EYS: variants seen among roughly 807,000 people sequenced by gnomAD.
The protein encoded by EYS is protein eyes shut homolog.
In EYS, 250 loss-of-function variants were observed where a neutral mutation model predicts 282.1. The observed-to-expected ratio is 0.89, with a 90% CI of 0.80 to 0.98. The LOEUF is 0.98. Ranked by LOEUF, EYS falls within the 50% of genes least tolerant of loss-of-function variation. EYS has a pLI of 0.00. For synonymous variants in EYS, 1,355 were observed against 1,282.9 expected (o/e 1.06, Z -1.20); for missense variants, 4,016 against 3,709.0 (o/e 1.08, Z -2.15).
chr6:64,176,018 T>C (rs1030241654), intron 31 of EYS, among the ~76,000 whole-genome samples: 1 of 151,962 alleles, frequency 6.6e-6, no homozygotes, highest in Non-Finnish European at 1.5e-5. Flanking sequence ...GTTTGGGTGG[T>C]GGGATTCAAT....
chr6:64,317,815 G>A (rs943414011), intron 29 of EYS, among the ~76,000 whole-genome samples: 1 of 152,132 alleles, frequency 6.6e-6, no homozygotes, highest in Non-Finnish European at 1.5e-5. Flanking sequence ...TAAAGAAAAT[G>A]TGGCACATAT....
At chr6:64,128,943 G>A (rs1195639019) in intron 31 of EYS, among the ~76,000 whole-genome samples, 1 of 152,144 alleles carries the variant, frequency 6.6e-6, no homozygotes, top group Admixed American at 6.5e-5. Context: ...CTCTCTGAGG[G>A]ATGACATTTA....
At chr6:64,936,782 CT>C (rs139841223) in intron 15 of EYS, among the ~76,000 whole-genome samples, 4,880 of 151,298 alleles carry the variant, frequency 0.032, 134 homozygotes, top group East Asian at 0.13. Flanking sequence ...TCAATAAAAT[CT>C]CTATTAAAGT....
rs1359797753 is a variant in EYS, at chr6:64,686,904, T to C, written c.3444-60659A>G. On this transcript the variant is annotated intron_variant, in intron 22 of 42. Coordinates refer to ENST00000503581, the MANE Select transcript of EYS (RefSeq NM_001142800.2). ...ATATACACACACATATATATGTGTA[T>C]ATATATACACACATATATATACGTA... Among the ~76,000 whole-genome samples the C allele has an allele frequency of 2.1e-5, 3 of 140,920 alleles. 1 individual carries two copies. In the Admixed American group the frequency reaches 2.2e-4, roughly 10 times the overall value. The allele number at this position is 140,920 out of a possible 152,430, so 92.4% of individuals were successfully genotyped here. A position where few individuals can be genotyped will look rare whatever the true frequency, so the allele number is the denominator to read the frequency against.
Position 64,366,803 on chromosome 6 carries a change from A to G in EYS, c.6078+21887T>C, listed in dbSNP as rs565601080. ...AACTTAATGATCTTGTGATCTGAGTAGGAAGATTTCTAGGCTGTTGAAAGT... is the reference window on the plus strand; with the variant it reads ...AACTTAATGATCTTGTGATCTGAGTGGGAAGATTTCTAGGCTGTTGAAAGT... On this transcript the variant is annotated intron_variant, in intron 29 of 42. Transcript: ENST00000503581. Among the ~76,000 whole-genome samples the G allele has an allele frequency of 2.0e-5, 3 of 152,230 alleles. No individual in the cohort carries two copies. In the South Asian group the frequency reaches 6.2e-4, roughly 32 times the overall value.
chr6:64,351,279 C>T (rs1771624020), intron 29 of EYS, among the ~76,000 whole-genome samples: 1 of 151,366 alleles, frequency 6.6e-6, no homozygotes, highest in Non-Finnish European at 1.5e-5. Context: ...TTATTTCAGT[C>T]TATGCAAGTT....
intron 28 of EYS, among the ~76,000 whole-genome samples, chr6:64,405,308 T>C (rs540253872): frequency 1.3e-5 from 2 of 152,274 alleles, no homozygotes; most frequent in South Asian, 4.1e-4. Context: ...GTTAGTTTTC[T>C]TCTTAAAGGG....
At chr6:64,469,697 G>C (rs1467861981) in intron 26 of EYS, among the ~76,000 whole-genome samples, 1 of 151,958 alleles carries the variant, frequency 6.6e-6, no homozygotes, top group African/African-American at 2.4e-5. Flanking sequence ...AGTGGACCGG[G>C]AAAGGGAGTC....
intron 35 of EYS, among the ~76,000 whole-genome samples, chr6:63,888,381 C>A (rs1322162277): frequency 6.6e-6 from 1 of 152,242 alleles, no homozygotes; most frequent in Admixed American, 6.5e-5. Flanking sequence ...ACACCTCATA[C>A]AGGAGAGCTC....
intron 22 of EYS, among the ~76,000 whole-genome samples, chr6:64,640,886 G>C (rs922149186): frequency 2.6e-5 from 4 of 152,104 alleles, no homozygotes; most frequent in Non-Finnish European, 1.5e-5. Flanking sequence ...GGAACACGAA[G>C]CTCAGAATCT....
At chr6:63,952,869 C>G (rs1391729204) in intron 35 of EYS, among the ~76,000 whole-genome samples, 1 of 152,160 alleles carries the variant, frequency 6.6e-6, no homozygotes, top group African/African-American at 2.4e-5. Context: ...ACGCCAATAT[C>G]CCATCCCACA....
At chr6:64,121,149 T>C (rs531024383) in intron 31 of EYS, among the ~76,000 whole-genome samples, 2 of 152,164 alleles carry the variant, frequency 1.3e-5, no homozygotes, top group Non-Finnish European at 1.5e-5. Context: ...CTCTCCTCCT[T>C]CTCCCTCCAG....
chr6:65,550,485 C>T, intron 2 of EYS, among the ~76,000 whole-genome samples: 1 of 3,924 alleles, frequency 2.5e-4, no homozygotes, highest in Non-Finnish European at 3.3e-4. Context: ...CTATCCCTCC[C>T]CCCTCCCCCG....
intron 26 of EYS, among the ~76,000 whole-genome samples, chr6:64,492,312 C>T (rs1245273798): frequency 6.6e-6 from 1 of 151,190 alleles, no homozygotes; most frequent in Non-Finnish European, 1.5e-5. Flanking sequence ...TTATTCAATA[C>T]TTAACATACA....
chr6:64,450,507 C>T (rs1013530296), intron 26 of EYS, among the ~76,000 whole-genome samples: 6 of 152,068 alleles, frequency 3.9e-5, no homozygotes, highest in Non-Finnish European at 5.9e-5. Context: ...ACCAAGTAGA[C>T]CTAATAGACA....
chr6:65,186,098 G>A (rs1765511126), intron 12 of EYS, among the ~76,000 whole-genome samples: 1 of 151,652 alleles, frequency 6.6e-6, no homozygotes, highest in South Asian at 2.1e-4. Context: ...AAGAAATTAA[G>A]TAGATAATCT....
chr6:65,053,837 A>T (rs2150155818), intron 13 of EYS, among the ~76,000 whole-genome samples: 1 of 151,946 alleles, frequency 6.6e-6, no homozygotes, highest in East Asian at 1.9e-4. Flanking sequence ...TGAATTCCAA[A>T]CAAGTAAAGT....
chr6:65,181,611 G>A (rs866799164), intron 12 of EYS, among the ~76,000 whole-genome samples: 1 of 152,150 alleles, frequency 6.6e-6, no homozygotes, highest in South Asian at 2.1e-4. Context: ...CTGTTGGTGG[G>A]ACTGTAAACT....
At chr6:65,211,980 G>A (rs986634651) in intron 12 of EYS, among the ~76,000 whole-genome samples, 3 of 151,696 alleles carry the variant, frequency 2.0e-5, no homozygotes, top group African/African-American at 7.3e-5. Flanking sequence ...GGACAAATAA[G>A]TACAAAATTG....
Sources: allele counts gnomAD v4.1 joint callset (sites outside exome capture counted in the v4.1 genomes callset), GRCh38; gene constraint gnomAD v4.1.1; transcripts MANE v1.5; gene names NCBI Gene and HGNC (gene_info 2026-07-23, HGNC 2026-07-21).